The following TTLL7 variants were observed in gnomAD, a reference collection of about 807,000 sequenced individuals.
TTLL7 encodes tubulin polyglutamylase TTLL7.
In TTLL7, 53 loss-of-function variants were observed where a neutral mutation model predicts 120.2. The ratio of observed to expected loss-of-function variants is 0.44; its 90% confidence interval spans 0.35 to 0.55. The LOEUF (loss-of-function observed/expected upper bound fraction) is 0.55, where lower values mean the gene tolerates loss of function less well. Among genes scored for constraint, TTLL7 ranks in the 20% least tolerant of loss-of-function variants. The probability of loss-of-function intolerance (pLI) is 0.00; values close to 1 mark genes in which losing one functional copy is unlikely to be tolerated. For synonymous variants in TTLL7, 353 were observed against 351.7 expected (o/e 1.00, Z -0.04); for missense variants, 803 against 1,054.7 (o/e 0.76, Z 3.31).
chr1:83,921,228 T>C lies in TTLL7; in HGVS notation c.1290+19A>G, dbSNP rs367949328. ...ATTATGCAATTTAAATTGTGGGTAC[T>C]TTCTTAAAACTTTCATACCAACTCT... On this transcript the variant is annotated intron_variant, in intron 11 of 20. Transcript: ENST00000260505. 270 of 1,610,916 alleles carry C rather than the reference T, an allele frequency of 1.7e-4. No individual in the cohort carries two copies. The African/African-American group carries it at 3.2e-3, about 19-fold the overall frequency.
At chr1:83,882,020 T>C (rs1334562172) in intron 20 of TTLL7, among the ~76,000 whole-genome samples, 2 of 139,754 alleles carry the variant, frequency 1.4e-5, no homozygotes, top group Non-Finnish European at 3.0e-5. Flanking sequence ...TTCTCACTCA[T>C]AGGTGGGAAA....
At chr1:83,970,944 A>C (rs573296476) in intron 1 of TTLL7, among the ~76,000 whole-genome samples, 1 of 152,130 alleles carries the variant, frequency 6.6e-6, no homozygotes, top group Non-Finnish European at 1.5e-5. Flanking sequence ...CAGCAGTTGA[A>C]GGCTGCTGTG....
At chr1:83,911,591 T>C (rs924376806) in intron 14 of TTLL7, among the ~76,000 whole-genome samples, 4 of 152,118 alleles carry the variant, frequency 2.6e-5, no homozygotes, top group African/African-American at 9.7e-5. Context: ...GAGGAATATG[T>C]TGTTCCTACA....
At chr1:83,889,156 A>G (rs923116309) in intron 19 of TTLL7, among the ~76,000 whole-genome samples, 1 of 152,058 alleles carries the variant, frequency 6.6e-6, no homozygotes, top group Non-Finnish European at 1.5e-5. Context: ...GGGGAAGCAA[A>G]CATGTCCTTC....
chr1:83,915,392 A>G lies in TTLL7; in HGVS notation c.1587+2212T>C, dbSNP rs989215304. The stretch of plus-strand genomic sequence containing the variant: ...ACCTGACAAAAACAAGAAATGGGGA[A>G]AGGATTCCCTATTTAATAAATGGTG... On this transcript the variant is annotated intron_variant, in intron 14 of 20. Transcript: ENST00000260505. Among the ~76,000 whole-genome samples the G allele has an allele frequency of 8.5e-5, 13 of 152,190 alleles. No individual in the cohort carries two copies. In the East Asian group the frequency reaches 2.5e-3, roughly 29 times the overall value.
Position 83,951,909 on chromosome 1 carries a change from T to C in TTLL7, c.93A>G (p.Lys31=), listed in dbSNP as rs1230485937. 3.1e-6 allele frequency: 5 copies of C among 1,613,524 alleles called. No individual in the cohort carries two copies. Among genetic ancestry groups the C allele is most frequent in the Non-Finnish European group, 4.2e-6 (5 of 1,179,826 alleles). ...ELPYQSTMKR[K]VRKKKKKGTI... ...TTCCCTTCTTTTTCTTCTTTCTGAC[T>C]TTCCTTTTCATTGTGCTTTGATAAG... The change falls in exon 3 of 21, where the codon AAA becomes AAG. Residue 31 remains lysine, a synonymous_variant. Coordinates refer to ENST00000260505, the MANE Select transcript of TTLL7 (RefSeq NM_024686.6).
chr1:83,942,645 A>G lies in TTLL7; in HGVS notation c.541T>C (p.Ser181Pro), dbSNP rs983793495. ...TCTTGAACAATCAAATGATCCTGAGATGGAAGTTTGTCACCATTTCTTATC... is the reference window on the plus strand; with the variant it reads ...TCTTGAACAATCAAATGATCCTGAGGTGGAAGTTTGTCACCATTTCTTATC... ...SLIRNGDKLPSQDHLIVQEYI... is the reference protein window; with the variant it reads ...SLIRNGDKLPPQDHLIVQEYI... Residue 181 changes from serine (S) to proline (P), a missense_variant, in exon 7 of 21, where the codon TCT becomes CCT. Ser to Pro is a moderately conservative substitution (Grantham distance 74). Coordinates refer to ENST00000260505, the MANE Select transcript of TTLL7 (RefSeq NM_024686.6). 1.2e-6 allele frequency: 2 copies of G among 1,613,566 alleles called. No homozygotes were observed. Among genetic ancestry groups the G allele is most frequent in the Non-Finnish European group, 1.7e-6 (2 of 1,179,660 alleles).
intron 17 of TTLL7, among the ~76,000 whole-genome samples, chr1:83,905,406 T>C (rs904041227): frequency 4.0e-5 from 6 of 151,798 alleles, no homozygotes; most frequent in Admixed American, 2.0e-4. Context: ...TTGCTTTTTG[T>C]TTCTACACAC....
chr1:83,966,355 T>C (rs1418103294), intron 1 of TTLL7, among the ~76,000 whole-genome samples: 1 of 151,520 alleles, frequency 6.6e-6, no homozygotes, highest in Non-Finnish European at 1.5e-5. Flanking sequence ...TCCCTCCTCC[T>C]TCCCTCTGTC....
intron 1 of TTLL7, among the ~76,000 whole-genome samples, chr1:83,989,028 T>G (rs12140964): frequency 0.041 from 6,263 of 151,432 alleles, 153 homozygotes; most frequent in Middle Eastern, 0.099. Flanking sequence ...CTTTTAATGG[T>G]GTTGTTTTTT....
At chr1:83,980,779 A>G (rs1459343746) in intron 1 of TTLL7, 2 of 152,198 alleles carry the variant, frequency 1.3e-5, no homozygotes, top group South Asian at 2.1e-4. Flanking sequence ...TTATGGAAAA[A>G]GCAACCATCT....
chr1:83,960,034 G>A (rs1051098931), intron 1 of TTLL7, among the ~76,000 whole-genome samples: 1 of 152,104 alleles, frequency 6.6e-6, no homozygotes, highest in Non-Finnish European at 1.5e-5. Flanking sequence ...CAGAGAGTGA[G>A]CACCTGTGTT....
chr1:83,942,216 T>A (rs1192103715), intron 7 of TTLL7, among the ~76,000 whole-genome samples: 1 of 152,198 alleles, frequency 6.6e-6, no homozygotes, highest in Non-Finnish European at 1.5e-5. Flanking sequence ...TCCAGCCTTG[T>A]GCTCACAGCA....
At chr1:83,983,344 A>G (rs1199572119) in intron 1 of TTLL7, among the ~76,000 whole-genome samples, 9 of 152,066 alleles carry the variant, frequency 5.9e-5, no homozygotes, top group Non-Finnish European at 8.8e-5. Context: ...ACAAATAAAT[A>G]AATAAATAAG....
At chr1:83,982,965 G>A (rs1409726754) in intron 1 of TTLL7, among the ~76,000 whole-genome samples, 1 of 152,050 alleles carries the variant, frequency 6.6e-6, no homozygotes, top group Non-Finnish European at 1.5e-5. Context: ...AAGACCAATG[G>A]AACAGAACAG....
At chr1:83,947,600 G>C in intron 5 of TTLL7, 1 of 202,658 alleles carries the variant, frequency 4.9e-6, no homozygotes, top group Non-Finnish European at 9.7e-6. Flanking sequence ...AGATAAATTA[G>C]TATCATCTCT....
At chr1:83,956,739 AT>A (rs1649562554) in intron 1 of TTLL7, among the ~76,000 whole-genome samples, 1 of 152,110 alleles carries the variant, frequency 6.6e-6, no homozygotes, top group Non-Finnish European at 1.5e-5. Context: ...CCTAACCCAC[AT>A]TTTTAAGTGG....
chr1:83,872,696 A>C (rs918895828), intron 20 of TTLL7, among the ~76,000 whole-genome samples: 1 of 152,222 alleles, frequency 6.6e-6, no homozygotes, highest in African/African-American at 2.4e-5. Context: ...CACATGAAAA[A>C]ATAAAAGCAC....
At position 83,869,760 on chromosome 1, in the gene TTLL7, T is replaced by C. The variant is rs1427279575; in HGVS notation, c.*202A>G. ...CAGAAAGGTTAAGTCTTATATTCCATTTTCTGCTAATTCTTCTTTCATATA... is the reference window on the plus strand; with the variant it reads ...CAGAAAGGTTAAGTCTTATATTCCACTTTCTGCTAATTCTTCTTTCATATA... On this transcript the variant is annotated 3_prime_UTR_variant, in exon 21 of 21. Transcript: ENST00000260505. 7.6e-5 allele frequency: 27 copies of C among 355,294 alleles called. No individual in the cohort carries two copies. In the East Asian group the frequency reaches 1.5e-3, roughly 20 times the overall value. The allele number at this position is 355,294 out of a possible 1,614,324, so 22.0% of individuals were successfully genotyped here.
Sources: gnomAD v4.1 joint callset for allele counts (sites outside exome capture counted in the v4.1 genomes callset) on GRCh38, gnomAD v4.1.1 for gene constraint, MANE v1.5 for transcripts, NCBI Gene and HGNC (gene_info 2026-07-23, HGNC 2026-07-21) for gene names.